The following EFCAB11 variants were observed in gnomAD, a reference collection of about 807,000 sequenced individuals.
The protein encoded by EFCAB11 is EF-hand calcium binding domain 11.
EFCAB11 carries 14 observed loss-of-function variants against 23.0 expected under a neutral mutation model. The observed-to-expected ratio is 0.61, with a 90% CI of 0.40 to 0.95. The LOEUF (loss-of-function observed/expected upper bound fraction) is 0.95. Ranked by LOEUF, EFCAB11 falls within the 40% of genes least tolerant of loss-of-function variation. EFCAB11 has a pLI of 0.00. For missense variants in EFCAB11, 198 were observed against 195.8 expected (o/e 1.01, Z -0.07); for synonymous variants, 65 against 66.6 (o/e 0.98, Z 0.11).
chr14:89,800,224 C>T (rs1256786088), intron 5 of EFCAB11, among the ~76,000 whole-genome samples: 6 of 150,570 alleles, frequency 4.0e-5, no homozygotes, highest in African/African-American at 1.2e-4. Context: ...AACAAACAAA[C>T]GCACGCCTGA....
chr14:89,836,898 A>C, intron 5 of EFCAB11: 1 of 396,792 alleles, frequency 2.5e-6, no homozygotes, highest in Non-Finnish European at 4.9e-6. Flanking sequence ...GCACGTCTAT[A>C]ATCCCATCTA....
At chr14:89,860,270 A>G (rs1305664075) in intron 5 of EFCAB11, among the ~76,000 whole-genome samples, 1 of 152,198 alleles carries the variant, frequency 6.6e-6, no homozygotes, top group African/African-American at 2.4e-5. Flanking sequence ...AGACTGAGGC[A>G]GGAGAATCGC....
chr14:89,850,218 G>A (rs1596400789), intron 5 of EFCAB11, among the ~76,000 whole-genome samples: 1 of 152,164 alleles, frequency 6.6e-6, no homozygotes, highest in Non-Finnish European at 1.5e-5. Context: ...AATGATTTTA[G>A]AACACATGGT....
intron 5 of EFCAB11, among the ~76,000 whole-genome samples, chr14:89,838,702 C>T (rs1161785698): frequency 6.6e-6 from 1 of 152,164 alleles, no homozygotes; most frequent in Non-Finnish European, 1.5e-5. Flanking sequence ...CAAAACCCTA[C>T]AGCAACATCA....
At chr14:89,802,223 A>G (rs1885809513) in intron 5 of EFCAB11, among the ~76,000 whole-genome samples, 1 of 150,736 alleles carries the variant, frequency 6.6e-6, no homozygotes, top group African/African-American at 2.4e-5. Flanking sequence ...AAAAAAAAAA[A>G]AGAAAGAAAA....
intron 5 of EFCAB11, among the ~76,000 whole-genome samples, chr14:89,895,298 T>C (rs1212913301): frequency 1.3e-5 from 2 of 152,228 alleles, no homozygotes; most frequent in Non-Finnish European, 2.9e-5. Flanking sequence ...CAGAAATTCA[T>C]CTGTAAAGTC....
chr14:89,869,957 G>A (rs1331803312), intron 5 of EFCAB11, among the ~76,000 whole-genome samples: 1 of 152,216 alleles, frequency 6.6e-6, no homozygotes, highest in African/African-American at 2.4e-5. Context: ...AAAAGCACAG[G>A]ATTCTCCTTA....
intron 3 of EFCAB11, among the ~76,000 whole-genome samples, chr14:89,949,287 A>G (rs1475179387): frequency 2.6e-5 from 4 of 152,192 alleles, no homozygotes; most frequent in Admixed American, 6.5e-5. Context: ...AAAAAAAAAT[A>G]AAAACCACCA....
At chr14:89,943,812 T>G (rs1411693976) in intron 3 of EFCAB11, among the ~76,000 whole-genome samples, 1 of 152,148 alleles carries the variant, frequency 6.6e-6, no homozygotes, top group Non-Finnish European at 1.5e-5. Context: ...TTTGTGGTCT[T>G]GAGTTTCTCC....
intron 5 of EFCAB11, among the ~76,000 whole-genome samples, chr14:89,814,842 A>G (rs755386630): frequency 6.6e-6 from 1 of 152,194 alleles, no homozygotes; most frequent in Non-Finnish European, 1.5e-5. Flanking sequence ...TGCCCAGCTA[A>G]TAACTCTGGG....
intron 5 of EFCAB11, among the ~76,000 whole-genome samples, chr14:89,822,376 G>A (rs898164626): frequency 5.5e-4 from 84 of 152,326 alleles, no homozygotes; most frequent in African/African-American, 1.8e-3. Context: ...CCCCTGGCAG[G>A]AGTAGGTATT....
chr14:89,864,951 A>T (rs1888037317), intron 5 of EFCAB11, among the ~76,000 whole-genome samples: 1 of 152,194 alleles, frequency 6.6e-6, no homozygotes, highest in African/African-American at 2.4e-5. Flanking sequence ...TAGTTCTCAG[A>T]TTATTAGATA....
chr14:89,920,920 C>T (rs1429994863), intron 5 of EFCAB11, among the ~76,000 whole-genome samples: 1 of 152,024 alleles, frequency 6.6e-6, no homozygotes, highest in Non-Finnish European at 1.5e-5. Flanking sequence ...CAAAAATTAG[C>T]TGCGCATAGT....
At position 89,945,259 on chromosome 14, in the gene EFCAB11, G is replaced by A. The variant is rs564492163; in HGVS notation, c.217+4838C>T. On this transcript the variant is annotated intron_variant, in intron 3 of 5. Transcript: ENST00000316738. ...CTATTTCCTTTCCTCCACTTATTTC[G>A]GGCCTTATTTACTCTTTTTTGTAGT... Among the ~76,000 whole-genome samples, 7 of 151,174 alleles carry A rather than the reference G, an allele frequency of 4.6e-5. No individual in the cohort carries two copies. The East Asian group carries it at 1.2e-3, about 25-fold the overall frequency.
chr14:89,819,805 T>C (rs571556641), intron 5 of EFCAB11, among the ~76,000 whole-genome samples: 124 of 152,282 alleles, frequency 8.1e-4, no homozygotes, highest in Middle Eastern at 3.4e-3. Flanking sequence ...TGTGTATACA[T>C]ACCAAAAATT....
At chr14:89,952,301 C>T (rs1431145332) in intron 2 of EFCAB11, 5 of 617,646 alleles carry the variant, frequency 8.1e-6, no homozygotes, top group Non-Finnish European at 1.0e-5. Context: ...CAGTATGTTA[C>T]ATCACTGTAT....
At chr14:89,867,388 C>T (rs1193333075) in intron 5 of EFCAB11, among the ~76,000 whole-genome samples, 4 of 152,196 alleles carry the variant, frequency 2.6e-5, no homozygotes, top group South Asian at 2.1e-4. Flanking sequence ...GGAGCTTCTG[C>T]TGGTGCCAAC....
chr14:89,807,498 A>G (rs1886006991), intron 5 of EFCAB11, among the ~76,000 whole-genome samples: 1 of 152,246 alleles, frequency 6.6e-6, no homozygotes, highest in Admixed American at 6.5e-5. Context: ...AGATGGACTA[A>G]AAGAATAAGG....
At chr14:89,826,299 G>A (rs1403339219) in intron 5 of EFCAB11, among the ~76,000 whole-genome samples, 1 of 152,032 alleles carries the variant, frequency 6.6e-6, no homozygotes, top group African/African-American at 2.4e-5. Flanking sequence ...GGGACCTAGG[G>A]AATATGAAAT....
Sources: allele counts gnomAD v4.1 joint callset (sites outside exome capture counted in the v4.1 genomes callset), GRCh38; gene constraint gnomAD v4.1.1; transcripts MANE v1.5; gene names NCBI Gene and HGNC (gene_info 2026-07-23, HGNC 2026-07-21).